Variants in SUCLG2 observed in about 807,000 individuals in gnomAD.
SUCLG2 encodes succinate--CoA ligase [GDP-forming] subunit beta, mitochondrial.
A neutral mutation model predicts 47.9 loss-of-function variants in SUCLG2; 42 were observed. The observed-to-expected ratio is 0.88, with a 90% confidence interval of 0.69 to 1.14. The LOEUF (loss-of-function observed/expected upper bound fraction) is 1.14, where lower values mean the gene tolerates loss of function less well. SUCLG2 is among the 50% of genes most tolerant of loss of function. The pLI is 0.00. For missense variants in SUCLG2, 571 were observed against 525.9 expected, an observed-to-expected ratio of 1.09 and a Z score of -0.84; for synonymous variants, 195 against 197.3, an observed-to-expected ratio of 0.99 and a Z score of 0.10.
chr3:67,555,562 A>C (rs541189746), intron 2 of SUCLG2, among the ~76,000 whole-genome samples: 1 of 152,220 alleles, frequency 6.6e-6, no homozygotes, highest in Non-Finnish European at 1.5e-5. Flanking sequence ...GGGACAAAAA[A>C]GGGATAAGTT....
intron 9 of SUCLG2, among the ~76,000 whole-genome samples, chr3:67,436,394 T>C (rs1411102624): frequency 6.6e-6 from 1 of 152,080 alleles, no homozygotes; most frequent in Non-Finnish European, 1.5e-5. Context: ...ATGGAAGGCA[T>C]CACCATGCTA....
At chr3:67,608,036 AAGTACTATT>A (rs1410335476) in intron 2 of SUCLG2, among the ~76,000 whole-genome samples, 1 of 152,206 alleles carries the variant, frequency 6.6e-6, no homozygotes, top group Non-Finnish European at 1.5e-5. Flanking sequence ...ATTGGGAAAT[AAGTACTATT>A]AGCTTTGACC....
intron 2 of SUCLG2, among the ~76,000 whole-genome samples, chr3:67,530,004 A>T (rs1706359312): frequency 6.6e-6 from 1 of 152,196 alleles, no homozygotes. Context: ...CAAACAAAAA[A>T]CTGCCTCCAA....
chr3:67,621,401 G>A (rs995462293), intron 1 of SUCLG2, among the ~76,000 whole-genome samples: 36 of 152,122 alleles, frequency 2.4e-4, no homozygotes, highest in Non-Finnish European at 7.4e-5. Flanking sequence ...TAAATCTGAT[G>A]TACCTGCTAG....
chr3:67,639,001 T>G (rs552151095), intron 1 of SUCLG2, among the ~76,000 whole-genome samples: 1 of 152,114 alleles, frequency 6.6e-6, no homozygotes, highest in Non-Finnish European at 1.5e-5. Context: ...AGATTAACTA[T>G]CTAGAGCTAT....
intron 2 of SUCLG2, among the ~76,000 whole-genome samples, chr3:67,566,108 C>G (rs1167496513): frequency 6.6e-6 from 1 of 152,228 alleles, no homozygotes; most frequent in Non-Finnish European, 1.5e-5. Flanking sequence ...CATTCAACGA[C>G]AAGCACTTGA....
In SUCLG2 at chr3:67,400,724, G is replaced by GACTC; in HGVS notation, c.1183+3_1183+6dup. ...TGCTGGCACAGCGGAAATCTACCATGACTCACCTTCAAGCCGGACCACCAG... is the reference window on the plus strand; with the variant it reads ...TGCTGGCACAGCGGAAATCTACCATGACTCACTCACCTTCAAGCCGGACCACCAG... On this transcript the variant is annotated splice_region_variant and intron_variant, in intron 10 of 10. Transcript: ENST00000307227. 6.2e-7 allele frequency: 1 copy of GACTC among 1,611,172 alleles called. No homozygotes were observed. Among genetic ancestry groups the GACTC allele is most frequent in the Non-Finnish European group, 8.5e-7 (1 of 1,179,778 alleles).
At chr3:67,426,937 T>G (rs1366891261) in intron 9 of SUCLG2, among the ~76,000 whole-genome samples, 4 of 151,544 alleles carry the variant, frequency 2.6e-5, no homozygotes, top group Non-Finnish European at 4.4e-5. Flanking sequence ...AAAAAAAAAG[T>G]GGCAAAATCC....
chr3:67,573,462 T>C (rs1362404747), intron 2 of SUCLG2, among the ~76,000 whole-genome samples: 3 of 152,376 alleles, frequency 2.0e-5, no homozygotes, highest in Admixed American at 6.5e-5. Flanking sequence ...TATATTACAT[T>C]TGATTGCTTC....
At chr3:67,366,267 C>T (rs541536608) in intron 10 of SUCLG2, among the ~76,000 whole-genome samples, 6 of 152,260 alleles carry the variant, frequency 3.9e-5, no homozygotes, top group Non-Finnish European at 8.8e-5. Flanking sequence ...CGAGACCATC[C>T]TGGCTAACAC....
chr3:67,495,980 G>T, intron 8 of SUCLG2, 40 bp from the exon 9 acceptor site: 2 of 1,612,294 alleles, frequency 1.2e-6, no homozygotes, highest in Non-Finnish European at 1.7e-6. Flanking sequence ...GCTACATTTA[G>T]CAACATGAAA....
chr3:67,587,725 C>T (rs951563550), intron 2 of SUCLG2, among the ~76,000 whole-genome samples: 1 of 152,048 alleles, frequency 6.6e-6, no homozygotes, highest in Admixed American at 6.6e-5. Flanking sequence ...TCTAAATTAG[C>T]CAAAACCAGA....
chr3:67,572,502 T>C (rs1348162952), intron 2 of SUCLG2, among the ~76,000 whole-genome samples: 1 of 152,184 alleles, frequency 6.6e-6, no homozygotes. Context: ...CTTACAAACA[T>C]ATATGCAGGA....
At chr3:67,639,833 C>G (rs950868902) in intron 1 of SUCLG2, among the ~76,000 whole-genome samples, 4 of 152,128 alleles carry the variant, frequency 2.6e-5, no homozygotes, top group African/African-American at 7.2e-5. Context: ...GATGTGTGAC[C>G]AGGGAACAAT....
intron 1 of SUCLG2, among the ~76,000 whole-genome samples, chr3:67,651,038 T>C (rs1007917784): frequency 6.6e-6 from 1 of 152,194 alleles, no homozygotes; most frequent in Non-Finnish European, 1.5e-5. Flanking sequence ...CACAGCAACA[T>C]GGCCCCTGTC....
rs183450815 is a variant in SUCLG2, at chr3:67,440,883, T to C, written c.1063-40032A>G. On this transcript the variant is annotated intron_variant, in intron 9 of 10. Transcript: ENST00000307227. ...CCAAGCAATCCCATTACTGGGTATA[T>C]AGACAAAGGATTACAAATCATTTTA... 5.7e-4 allele frequency among the ~76,000 whole-genome samples: 87 copies of C among 152,318 alleles called. 2 individuals carry two copies. The highest frequency in any genetic ancestry group is 2.9e-5 in the Non-Finnish European group (2 of 68,036).
intron 9 of SUCLG2, among the ~76,000 whole-genome samples, chr3:67,472,401 T>C (rs1704627298): frequency 6.6e-6 from 1 of 152,232 alleles, no homozygotes; most frequent in South Asian, 2.1e-4. Flanking sequence ...ATCATAGACA[T>C]ATTACATGAT....
In SUCLG2 at chr3:67,529,183, G is replaced by A; in HGVS notation, c.230C>T (p.Ala77Val). ...CTGGGCTTTTAAAACAATTTCTTTTGCATCTGAAAAAGAAAAATCCAGAGT... is the reference window on the plus strand; with the variant it reads ...CTGGGCTTTTAAAACAATTTCTTTTACATCTGAAAAAGAAAAATCCAGAGT... ...EALEAAKRLN[A>V]KEIVLKAQIL... Residue 77 changes from alanine (A) to valine (V), a missense_variant, in exon 3 of 11, where the codon GCA becomes GTA. Ala to Val is a moderately conservative substitution (Grantham distance 64). Coordinates refer to ENST00000307227, the MANE Select transcript of SUCLG2 (RefSeq NM_003848.4). The A allele has an allele frequency of 6.2e-7, 1 of 1,606,452 alleles. No individual in the cohort carries two copies. Among genetic ancestry groups the A allele is most frequent in the East Asian group, 2.2e-5 (1 of 44,720 alleles).
chr3:67,447,879 C>G (rs986365916), intron 9 of SUCLG2, among the ~76,000 whole-genome samples: 1 of 152,080 alleles, frequency 6.6e-6, no homozygotes, highest in African/African-American at 2.4e-5. Context: ...TAGACATGTG[C>G]CACCATGGCC....
Sources: allele counts gnomAD v4.1 joint callset (sites outside exome capture counted in the v4.1 genomes callset), GRCh38; gene constraint gnomAD v4.1.1; transcripts MANE v1.5; gene names NCBI Gene and HGNC (gene_info 2026-07-23, HGNC 2026-07-21).